The following BTG4 variants were observed in gnomAD, a reference collection of about 807,000 sequenced individuals.
BTG4 encodes the protein protein BTG4.
BTG4 carries 10 observed loss-of-function variants against 19.3 expected under a neutral mutation model. The ratio of observed to expected loss-of-function variants is 0.52; its 90% CI spans 0.32 to 0.88. The LOEUF is 0.88. Ranked by LOEUF, BTG4 falls within the 40% of genes least tolerant of loss-of-function variation. The pLI is 0.04. For synonymous variants in BTG4, 91 were observed against 95.7 expected (o/e 0.95, Z 0.29); for missense variants, 238 against 281.9 (o/e 0.84, Z 1.11).
chr11:111,491,321 T>A (rs1339683881), downstream of BTG4, among the ~76,000 whole-genome samples: 2 of 152,194 alleles, frequency 1.3e-5, no homozygotes, highest in Non-Finnish European at 2.9e-5. Flanking sequence ...AATGTCAATA[T>A]CTGGTTGTGA....
At chr11:111,453,243 A>G in the BTG4 span, among the ~76,000 whole-genome samples, 2 of 152,198 alleles carry the variant, frequency 1.3e-5, no homozygotes, top group African/African-American at 4.8e-5. Flanking sequence ...GAGATGGATC[A>G]GAGGGGGAAA....
chr11:111,396,165 A>G, the BTG4 span, among the ~76,000 whole-genome samples: 1 of 152,244 alleles, frequency 6.6e-6, no homozygotes, highest in East Asian at 1.9e-4. Flanking sequence ...CTCCTACATA[A>G]GAACAGATTT....
chr11:111,416,782 T>C, the BTG4 span: 3 of 152,238 alleles, frequency 2.0e-5, no homozygotes, highest in Non-Finnish European at 4.4e-5. Context: ...GTAATGGTCC[T>C]TAGTAGGACT....
At position 111,495,050 on chromosome 11, in the gene BTG4, C is replaced by G. The variant is rs1865634233; in HGVS notation, c.*85G>C. On this transcript the variant is annotated 3_prime_UTR_variant, in exon 5 of 5. Coordinates refer to ENST00000692032, the MANE Select transcript of BTG4 (RefSeq NM_001367975.1). Reference sequence around the variant, plus strand: ...ATATGGTCATTTTTTGTTTCATGGGCCTCTCAACCTTAAATTCATTTTTAT... The same window carrying G: ...ATATGGTCATTTTTTGTTTCATGGGGCTCTCAACCTTAAATTCATTTTTAT... 2.2e-6 allele frequency: 3 copies of G among 1,383,306 alleles called. No homozygotes were observed. The South Asian group carries it at 6.3e-5, about 29-fold the overall frequency. The allele number at this position is 1,383,306 out of a possible 1,614,324, so 85.7% of individuals were successfully genotyped here.
At chr11:111,440,077 G>A in the BTG4 span, among the ~76,000 whole-genome samples, 1 of 152,180 alleles carries the variant, frequency 6.6e-6, no homozygotes, top group Non-Finnish European at 1.5e-5. Flanking sequence ...ATTGGCTGGG[G>A]TTACTCTGTG....
At chr11:111,491,511 G>C (rs1337294909), downstream of BTG4, among the ~76,000 whole-genome samples, 1 of 152,136 alleles carries the variant, frequency 6.6e-6, no homozygotes, top group Non-Finnish European at 1.5e-5. Flanking sequence ...ACTTTGGGAA[G>C]CCGAAGCGGG....
chr11:111,388,873 G>T, the BTG4 span, among the ~76,000 whole-genome samples: 1 of 152,236 alleles, frequency 6.6e-6, no homozygotes, highest in Non-Finnish European at 1.5e-5. Flanking sequence ...TTTGTCCAGT[G>T]ATGGAGGTAA....
chr11:111,450,170 C>T, the BTG4 span, among the ~76,000 whole-genome samples: 5 of 152,226 alleles, frequency 3.3e-5, no homozygotes, highest in Non-Finnish European at 7.3e-5. Context: ...CAGGCTGCCC[C>T]TGCCCCATGG....
the BTG4 span, among the ~76,000 whole-genome samples, chr11:111,419,838 T>C: frequency 6.6e-6 from 1 of 152,214 alleles, no homozygotes; most frequent in Non-Finnish European, 1.5e-5. Context: ...GCAGCCTCAG[T>C]TCCCAGAGTC....
chr11:111,508,410 G>A (rs1218482025), intron 1 of BTG4, among the ~76,000 whole-genome samples: 1 of 151,252 alleles, frequency 6.6e-6, no homozygotes, highest in Non-Finnish European at 1.5e-5. Flanking sequence ...TGAGCAGGCA[G>A]GTAAGTAGGA....
the BTG4 span, among the ~76,000 whole-genome samples, chr11:111,424,355 T>G: frequency 6.6e-6 from 1 of 151,620 alleles, no homozygotes; most frequent in East Asian, 1.9e-4. Context: ...AACAAAGGAG[T>G]CAAGAGGAAC....
chr11:111,442,141 A>G, the BTG4 span, among the ~76,000 whole-genome samples: 1 of 152,076 alleles, frequency 6.6e-6, no homozygotes, highest in East Asian at 1.9e-4. Context: ...TTCTAATAAC[A>G]TTCTCCAATA....
At position 111,505,620 on chromosome 11, in the gene BTG4, AGAT is replaced by A. The variant is rs541820431; in HGVS notation, c.-27+6558_-27+6560del. Among the ~76,000 whole-genome samples, 384 of 152,258 alleles carry A rather than the reference AGAT, an allele frequency of 2.5e-3. 3 individuals are homozygous for A. Among genetic ancestry groups the A allele is most frequent in the African/African-American group, 8.9e-3 (371 of 41,564 alleles). ...CAAACACAAACGCAATAAAAAACGA[AGAT>A]AGAGAAATAGGACATAAACTAAAAG... On this transcript the variant is annotated intron_variant, in intron 1 of 4. Coordinates refer to ENST00000692032, the MANE Select transcript of BTG4 (RefSeq NM_001367975.1).
chr11:111,390,068 C>G, the BTG4 span, among the ~76,000 whole-genome samples: 1 of 152,188 alleles, frequency 6.6e-6, no homozygotes, highest in Non-Finnish European at 1.5e-5. Flanking sequence ...GGTTAAGAAA[C>G]TTGGCTAAAA....
At chr11:111,493,352 C>A (rs550767177), downstream of BTG4, among the ~76,000 whole-genome samples, 2 of 152,184 alleles carry the variant, frequency 1.3e-5, no homozygotes, top group East Asian at 3.9e-4. Context: ...TAGACTGTTG[C>A]AATAATCAGG....
At chr11:111,461,211 T>C in the BTG4 span, among the ~76,000 whole-genome samples, 1 of 152,184 alleles carries the variant, frequency 6.6e-6, no homozygotes, top group African/African-American at 2.4e-5. Context: ...ATAAAAGGTA[T>C]GTGATAAATA....
chr11:111,497,243 G>A lies in BTG4; in HGVS notation c.478C>T (p.Pro160Ser), dbSNP rs749680391. 1 of 1,613,342 alleles carries A rather than the reference G, an allele frequency of 6.2e-7. No individual in the cohort carries two copies. The highest frequency in any genetic ancestry group is 8.5e-7 in the Non-Finnish European group (1 of 1,179,648). Residue 160 changes from proline (P) to serine (S), a missense_variant, in exon 4 of 5, where the codon CCT becomes TCT. Coordinates refer to ENST00000692032, the MANE Select transcript of BTG4 (RefSeq NM_001367975.1). ...ESCSKEPRVI[P>S]KVSNPKSIYQ... The stretch of plus-strand genomic sequence containing the variant: ...ATACTCTTCGGATTGCTGACTTTAG[G>A]AATGACACGAGGTTCCTTGCTACAA...
chr11:111,510,138 T>C (rs1049611427), intron 1 of BTG4, among the ~76,000 whole-genome samples: 2 of 151,978 alleles, frequency 1.3e-5, no homozygotes, highest in Non-Finnish European at 2.9e-5. Context: ...TCTCTATCTC[T>C]TGACCTCGTG....
the BTG4 span, among the ~76,000 whole-genome samples, chr11:111,399,926 C>A: frequency 1.3e-5 from 2 of 152,054 alleles, no homozygotes; most frequent in Non-Finnish European, 2.9e-5. Context: ...TATTTGCGAT[C>A]CTGCATCATC....
Sources: allele counts gnomAD v4.1 joint callset (sites outside exome capture counted in the v4.1 genomes callset), GRCh38; gene constraint gnomAD v4.1.1; transcripts MANE v1.5; gene names NCBI Gene and HGNC (gene_info 2026-07-23, HGNC 2026-07-21).